CCDC150: variants seen among roughly 807,000 people sequenced by gnomAD.
CCDC150 encodes the protein coiled-coil domain-containing protein 150.
In CCDC150, 151 loss-of-function variants were observed where a neutral mutation model predicts 156.5. That is an observed-to-expected ratio of 0.97 (90% confidence interval 0.85 to 1.10). The LOEUF (loss-of-function observed/expected upper bound fraction) is 1.10. Ranked by LOEUF, CCDC150 falls within the 50% of genes least tolerant of loss-of-function variation. The pLI, the probability that CCDC150 is intolerant of heterozygous loss-of-function variation, is 0.00. For missense variants in CCDC150, 1,312 were observed against 1,268.1 expected (o/e 1.03, Z -0.53); for synonymous variants, 452 against 429.4 (o/e 1.05, Z -0.65).
chr2:196,672,362 C>T lies in CCDC150; in HGVS notation c.954C>T (p.Phe318=). 6.5e-7 allele frequency: 1 copy of T among 1,530,586 alleles called. No individual in the cohort carries two copies. Among genetic ancestry groups the T allele is most frequent in the Non-Finnish European group, 8.8e-7 (1 of 1,141,202 alleles). 94.8% of individuals were successfully genotyped at this position (1,530,586 alleles called of 1,614,324 possible). Residue 318 remains phenylalanine (F), a synonymous_variant, in exon 9 of 28, where the codon TTC becomes TTT. Coordinates refer to ENST00000389175, the MANE Select transcript of CCDC150 (RefSeq NM_001080539.2). ...TCTTATAGAACCTGCAGATATCTTT[C>T]AACAAGGAACATGAAGAAAATGCAT... ...VEENKNLQIS[F]NKEHEENAYL...
At chr2:196,725,565 C>T (rs1435475671) in intron 21 of CCDC150, among the ~76,000 whole-genome samples, 3 of 152,200 alleles carry the variant, frequency 2.0e-5, no homozygotes, top group Non-Finnish European at 4.4e-5. Context: ...CATCATCTTA[C>T]TAGAGCGGAG....
At chr2:196,672,543 A>C in intron 9 of CCDC150, 106 bp downstream of exon 9, 3 of 522,474 alleles carry the variant, frequency 5.7e-6, no homozygotes, top group South Asian at 7.9e-5. Flanking sequence ...TACCATCTCC[A>C]TCACCCAACT....
At chr2:196,685,612 TTTC>T (rs1389199883) in intron 13 of CCDC150, among the ~76,000 whole-genome samples, 1 of 152,004 alleles carries the variant, frequency 6.6e-6, no homozygotes, top group Non-Finnish European at 1.5e-5. Flanking sequence ...TTCTTTTTCT[TTTC>T]TTTTTTTTTT....
At chr2:196,648,364 A>G (rs1692668374) in intron 2 of CCDC150, among the ~76,000 whole-genome samples, 1 of 151,818 alleles carries the variant, frequency 6.6e-6, no homozygotes, top group South Asian at 2.1e-4. Flanking sequence ...CGTGGTTTTA[A>G]TTTGTATTTC....
At position 196,639,725 on chromosome 2, in the gene CCDC150, A is replaced by C. The variant is rs373787469; in HGVS notation, c.-42A>C. 31 of 1,518,996 alleles carry C rather than the reference A, an allele frequency of 2.0e-5. No individual in the cohort carries two copies. The African/African-American group carries it at 4.3e-4, about 21-fold the overall frequency. 94.1% of individuals were successfully genotyped at this position (1,518,996 alleles called of 1,614,324 possible). On this transcript the variant is annotated 5_prime_UTR_variant, in exon 1 of 28. Transcript: ENST00000389175. ...TTAAAATGCTGTGTTAGTTCCACGG[A>C]AACCCGCTCGCCTGCTGCAGTACGG... is the stretch of plus-strand genomic sequence containing the variant.
chr2:196,712,052 T>C, intron 15 of CCDC150, 93 bp from the exon 16 acceptor site: 1 of 410,136 alleles, frequency 2.4e-6, no homozygotes, highest in East Asian at 3.7e-5. Flanking sequence ...ATGACCCTTT[T>C]TCCCCCTTCT....
chr2:196,660,379 A>G (rs1417753993), intron 5 of CCDC150, among the ~76,000 whole-genome samples: 1 of 152,168 alleles, frequency 6.6e-6, no homozygotes, highest in Non-Finnish European at 1.5e-5. Context: ...TTAGCTTTGT[A>G]TGAAGCTGCC....
chr2:196,679,733 A>G (rs1483379609), intron 13 of CCDC150, among the ~76,000 whole-genome samples: 1 of 152,220 alleles, frequency 6.6e-6, no homozygotes, highest in East Asian at 1.9e-4. Flanking sequence ...CATTTCTGTT[A>G]GTAATTCATG....
intron 4 of CCDC150, 125 bp from the exon 5 acceptor site, chr2:196,658,667 A>G (rs997550660): frequency 1.1e-5 from 7 of 651,194 alleles, no homozygotes; most frequent in East Asian, 5.7e-5. Context: ...AGGAGTATTT[A>G]TAACCATATT....
Position 196,655,570 on chromosome 2 carries a change from G to T in CCDC150, c.177-1063G>T, listed in dbSNP as rs79122196. On this transcript the variant is annotated intron_variant, in intron 2 of 27. Coordinates refer to ENST00000389175, the MANE Select transcript of CCDC150 (RefSeq NM_001080539.2). ...GAAGCCAGACCATCGAGTATTCACT[G>T]GAAGAATGTACAAAGAAATCCTTTT... Among the ~76,000 whole-genome samples the T allele has an allele frequency of 2.0e-4, 30 of 152,212 alleles. No individual in the cohort carries two copies. The East Asian group carries it at 5.8e-3, about 29-fold the overall frequency.
In CCDC150 at chr2:196,679,132, T is replaced by C. The variant is rs538756827; in HGVS notation, c.1509+1771T>C. Among the ~76,000 whole-genome samples the C allele has an allele frequency of 8.5e-5, 13 of 152,342 alleles. No individual in the cohort carries two copies. In the South Asian group the frequency reaches 2.5e-3, roughly 29 times the overall value. On this transcript the variant is annotated intron_variant, in intron 13 of 27. Transcript: ENST00000389175. Reference sequence around the variant, plus strand: ...AAATTGATTTTTAAAATATGTGTTCTTTTAACAGTATGCTTTTTTAAAAAG... The same window carrying C: ...AAATTGATTTTTAAAATATGTGTTCCTTTAACAGTATGCTTTTTTAAAAAG...
rs1482023242 is a variant in CCDC150 at position 196,702,591 on chromosome 2, G to A, written c.1695+1411G>A. ...TCTCCATGTAGCCCAGGCTGGTCTC[G>A]AACTCCTGAGCTCAAGCAATCTGCC... On this transcript the variant is annotated intron_variant, in intron 15 of 27. Transcript: ENST00000389175. Among the ~76,000 whole-genome samples the A allele has an allele frequency of 2.6e-5, 4 of 151,588 alleles. No homozygotes were observed. In the East Asian group the frequency reaches 5.8e-4, roughly 22 times the overall value.
intron 5 of CCDC150, 81 bp downstream of exon 5, chr2:196,658,941 C>A: frequency 1.0e-6 from 1 of 984,524 alleles, no homozygotes; most frequent in Non-Finnish European, 1.5e-6. Flanking sequence ...TGAAAAGAAA[C>A]CTTTGAAGAA....
intron 15 of CCDC150, among the ~76,000 whole-genome samples, chr2:196,702,113 G>A (rs1696252657): frequency 6.6e-6 from 1 of 152,050 alleles, no homozygotes; most frequent in African/African-American, 2.4e-5. Flanking sequence ...GCAAGCGCCT[G>A]TAATCCTAGC....
At chr2:196,696,687 G>A (rs1169192253) in intron 14 of CCDC150, among the ~76,000 whole-genome samples, 1 of 152,172 alleles carries the variant, frequency 6.6e-6, no homozygotes. Context: ...AAATGCTTCG[G>A]TTGGCTATAT....
Position 196,725,009 on chromosome 2 carries a change from C to A in CCDC150, c.2430-964C>A, listed in dbSNP as rs182480031. Among the ~76,000 whole-genome samples the A allele has an allele frequency of 3.1e-3, 473 of 152,246 alleles. 2 individuals carry two copies. The highest frequency in any genetic ancestry group is 5.3e-3 in the Non-Finnish European group (361 of 68,002). ...GGTACTGGAGGGACAGTTGCAGTTA[C>A]CACCTGCAAGTCTCATGTATAGACC... On this transcript the variant is annotated intron_variant, in intron 21 of 27. Transcript: ENST00000389175.
intron 15 of CCDC150, among the ~76,000 whole-genome samples, chr2:196,709,173 C>T (rs372627902): frequency 2.6e-5 from 4 of 152,164 alleles, no homozygotes; most frequent in African/African-American, 4.8e-5. Context: ...TTTACATAGT[C>T]CCATATTTCT....
intron 2 of CCDC150, among the ~76,000 whole-genome samples, chr2:196,647,281 G>A (rs1388491611): frequency 6.6e-6 from 1 of 151,866 alleles, no homozygotes; most frequent in Non-Finnish European, 1.5e-5. Flanking sequence ...CCTCCATGCT[G>A]ACTTTAATAA....
intron 14 of CCDC150, among the ~76,000 whole-genome samples, chr2:196,697,299 G>T (rs6709196): frequency 0.78 from 118,447 of 151,956 alleles, 46,354 homozygotes; most frequent in East Asian, 0.97. Context: ...AATTTCAGGG[G>T]TTTTTTTTGT....
Sources: gnomAD v4.1 joint callset for allele counts (sites outside exome capture counted in the v4.1 genomes callset) on GRCh38, gnomAD v4.1.1 for gene constraint, MANE v1.5 for transcripts, NCBI Gene and HGNC (gene_info 2026-07-23, HGNC 2026-07-21) for gene names.